DNAH11: variants seen among roughly 807,000 people sequenced by gnomAD.
DNAH11 encodes the protein axonemal beta dynein heavy chain 11.
A neutral mutation model predicts 526.0 loss-of-function variants in DNAH11; 442 were observed. The observed-to-expected ratio is 0.84, with a 90% CI of 0.78 to 0.91. The LOEUF (loss-of-function observed/expected upper bound fraction) is 0.91. Among genes scored for constraint, DNAH11 ranks in the 40% least tolerant of loss-of-function variants. The probability of loss-of-function intolerance (pLI) is 0.00; values close to 1 mark genes in which losing one functional copy is unlikely to be tolerated. For missense variants in DNAH11, 6,989 were observed against 5,448.7 expected (o/e 1.28, Z -8.90); for synonymous variants, 2,461 against 1,935.9 (o/e 1.27, Z -7.12).
chr7:21,898,005 A>G (rs757122137), intron 79 of DNAH11, among the ~76,000 whole-genome samples: 1 of 151,832 alleles, frequency 6.6e-6, no homozygotes, highest in Admixed American at 6.6e-5. Flanking sequence ...ACGCTGTTTC[A>G]CTTTTGCTTT....
intron 68 of DNAH11, 115 bp from the exon 69 acceptor site, chr7:21,861,738 T>G (rs1355595773): frequency 7.5e-6 from 8 of 1,059,614 alleles, no homozygotes; most frequent in Non-Finnish European, 1.1e-5. Context: ...CCTAAAAATT[T>G]TGCCTCATTC....
intron 29 of DNAH11, among the ~76,000 whole-genome samples, chr7:21,658,261 G>C (rs1782101175): frequency 6.6e-6 from 1 of 152,020 alleles, no homozygotes; most frequent in Non-Finnish European, 1.5e-5. Flanking sequence ...AGCCAGTAGG[G>C]AATATAATTA....
At chr7:21,673,754 T>C (rs2128470012) in intron 30 of DNAH11, among the ~76,000 whole-genome samples, 1 of 152,314 alleles carries the variant, frequency 6.6e-6, no homozygotes, top group Admixed American at 6.5e-5. Context: ...CTTATCTTTG[T>C]TTTATTATAA....
At chr7:21,579,306 A>G (rs1414700295) in intron 8 of DNAH11, among the ~76,000 whole-genome samples, 1 of 152,238 alleles carries the variant, frequency 6.6e-6, no homozygotes, top group Admixed American at 6.5e-5. Flanking sequence ...AGAAACAGCT[A>G]TGTCCTGGGA....
chr7:21,742,201 A>G, intron 49 of DNAH11, 35 bp downstream of exon 49: 1 of 1,604,558 alleles, frequency 6.2e-7, no homozygotes. Context: ...CCTCTTGAGT[A>G]GAGAAATAAT....
At chr7:21,838,988 C>T (rs1480912680) in intron 65 of DNAH11, among the ~76,000 whole-genome samples, 1 of 152,120 alleles carries the variant, frequency 6.6e-6, no homozygotes, top group Non-Finnish European at 1.5e-5. Flanking sequence ...TCTCCATGTC[C>T]TCACCAACAC....
At chr7:21,842,432 C>T (rs1223984658) in intron 65 of DNAH11, 112 bp from the exon 66 acceptor site, 2 of 858,698 alleles carry the variant, frequency 2.3e-6, no homozygotes, top group Admixed American at 3.2e-5. Context: ...AATTCTCAAT[C>T]ACCTGAGCTT....
At chr7:21,583,930 A>G (rs1784399701) in intron 9 of DNAH11, among the ~76,000 whole-genome samples, 1 of 152,200 alleles carries the variant, frequency 6.6e-6, no homozygotes, top group African/African-American at 2.4e-5. Flanking sequence ...AGGAAACAAC[A>G]GATGCTAGAG....
chr7:21,629,614 A>G (rs1018716166), intron 25 of DNAH11, among the ~76,000 whole-genome samples: 2 of 152,114 alleles, frequency 1.3e-5, no homozygotes, highest in Non-Finnish European at 2.9e-5. Flanking sequence ...GTGCACAGAT[A>G]TTTAATACTT....
rs952333583 is a variant in DNAH11, at chr7:21,543,575, G to T, written c.330G>T (p.Gly110=). 5 of 1,598,552 alleles carry T rather than the reference G, an allele frequency of 3.1e-6. No homozygotes were observed. The highest frequency in any genetic ancestry group is 4.3e-6 in the Non-Finnish European group (5 of 1,172,374). ...TTGTGTTTAGCTTCGCCGCCTCGGG[G>T]CGCCTTGCGGCTTCCCAGGAGGTAA... ...ACLVFSFAAS[G]RLAASQEIPR... Residue 110 remains glycine (G), a synonymous_variant, in exon 1 of 82, where the codon GGG becomes GGT. Coordinates refer to ENST00000409508, the MANE Select transcript of DNAH11 (RefSeq NM_001277115.2).
At chr7:21,672,467 T>A (rs1470478521) in intron 30 of DNAH11, among the ~76,000 whole-genome samples, 1 of 151,216 alleles carries the variant, frequency 6.6e-6, no homozygotes, top group Non-Finnish European at 1.5e-5. Flanking sequence ...TACATTTTTT[T>A]GTAGAGATGG....
At chr7:21,594,791 G>A (rs547426339) in intron 14 of DNAH11, among the ~76,000 whole-genome samples, 55 of 152,104 alleles carry the variant, frequency 3.6e-4, no homozygotes, top group Non-Finnish European at 6.2e-4. Flanking sequence ...GAGGTCAGAC[G>A]CTAAGCTGCG....
chr7:21,555,143 C>G (rs190901066), intron 2 of DNAH11, among the ~76,000 whole-genome samples: 68 of 152,312 alleles, frequency 4.5e-4, no homozygotes, highest in African/African-American at 1.5e-3. Flanking sequence ...AGCCCATCTC[C>G]TCTTGTGAGG....
rs781296346 is a variant in DNAH11, at chr7:21,816,429, A to G, written c.10333-38A>G. On this transcript the variant is annotated intron_variant, in intron 63 of 81. Transcript: ENST00000409508. The stretch of plus-strand genomic sequence containing the variant: ...TTCTTGTCTGTCTTCTCTCTCTGCC[A>G]CATGACCAATTTGTTGCATTCAACT... 3.3e-6 allele frequency: 5 copies of G among 1,503,462 alleles called. No individual in the cohort carries two copies. In the Admixed American group the frequency reaches 9.7e-5, roughly 29 times the overall value. The allele number at this position is 1,503,462 out of a possible 1,614,324, so 93.1% of individuals were successfully genotyped here. A position where few individuals can be genotyped will look rare whatever the true frequency, so the allele number is the denominator to read the frequency against.
chr7:21,607,890 A>T (rs1785360939), intron 20 of DNAH11, among the ~76,000 whole-genome samples: 1 of 130,492 alleles, frequency 7.7e-6, no homozygotes, highest in African/African-American at 2.7e-5. Context: ...GTGAGCCGAG[A>T]TTGCGCCATT....
At chr7:21,559,514 T>C (rs1783363090) in intron 3 of DNAH11, 89 bp from the exon 4 acceptor site, 1 of 1,083,792 alleles carries the variant, frequency 9.2e-7, no homozygotes, top group African/African-American at 1.6e-5. Flanking sequence ...AGGAAACTAG[T>C]TTATGGATGC....
chr7:21,701,510 G>A (rs943273838), intron 36 of DNAH11, among the ~76,000 whole-genome samples: 19 of 151,976 alleles, frequency 1.3e-4, no homozygotes, highest in Non-Finnish European at 1.8e-4. Flanking sequence ...GGCTGGTCTG[G>A]AACTCCTGGG....
At chr7:21,557,409 G>A (rs913146839) in intron 2 of DNAH11, among the ~76,000 whole-genome samples, 3 of 152,166 alleles carry the variant, frequency 2.0e-5, no homozygotes, top group African/African-American at 7.2e-5. Flanking sequence ...TCTGGAGCTG[G>A]AAGTTCAAAA....
intron 30 of DNAH11, among the ~76,000 whole-genome samples, chr7:21,671,355 G>A (rs1490732459): frequency 6.6e-6 from 1 of 152,140 alleles, no homozygotes; most frequent in Admixed American, 6.5e-5. Context: ...GACAGAGACT[G>A]CATGGCCTAC....
Sources: gnomAD v4.1 joint callset for allele counts (sites outside exome capture counted in the v4.1 genomes callset) on GRCh38, gnomAD v4.1.1 for gene constraint, MANE v1.5 for transcripts, NCBI Gene and HGNC (gene_info 2026-07-23, HGNC 2026-07-21) for gene names.